Variants in RALYL observed in about 807,000 individuals in gnomAD.
RALYL encodes the protein RNA-binding Raly-like protein.
In RALYL, 29 loss-of-function variants were observed where a neutral mutation model predicts 35.1. The ratio of observed to expected loss-of-function variants is 0.83; its 90% CI spans 0.61 to 1.13. The LOEUF (loss-of-function observed/expected upper bound fraction) is 1.13, where lower values mean the gene tolerates loss of function less well. Among genes scored for constraint, RALYL ranks in the 50% most tolerant of loss-of-function variants. The pLI is 0.00. For missense variants in RALYL, 359 were observed against 360.4 expected (o/e 1.00, Z 0.03); for synonymous variants, 120 against 127.6 (o/e 0.94, Z 0.40).
intron 3 of RALYL, among the ~76,000 whole-genome samples, chr8:84,778,953 G>A (rs1216425475): frequency 6.6e-6 from 1 of 152,198 alleles, no homozygotes; most frequent in Non-Finnish European, 1.5e-5. Flanking sequence ...AATTATTTCA[G>A]TCTTGGACAT....
At chr8:84,369,122 T>A (rs970873548) in intron 1 of RALYL, among the ~76,000 whole-genome samples, 1 of 152,126 alleles carries the variant, frequency 6.6e-6, no homozygotes, top group African/African-American at 2.4e-5. Flanking sequence ...CTTGCTTCTG[T>A]TCTAGACATG....
chr8:84,638,793 A>G (rs1051532753), intron 2 of RALYL, among the ~76,000 whole-genome samples: 3 of 145,544 alleles, frequency 2.1e-5, no homozygotes, highest in Non-Finnish European at 4.6e-5. Context: ...TGTATTAAGA[A>G]GTTAACTAAA....
intron 4 of RALYL, among the ~76,000 whole-genome samples, chr8:84,840,618 G>A (rs148879954): frequency 0.02 from 3,026 of 152,146 alleles, 45 homozygotes; most frequent in Non-Finnish European, 0.028. Flanking sequence ...TACAGAGAAC[G>A]CCACAAAGAT....
chr8:84,648,786 T>C (rs1033540161), intron 2 of RALYL, among the ~76,000 whole-genome samples: 2 of 149,210 alleles, frequency 1.3e-5, no homozygotes, highest in African/African-American at 5.0e-5. Flanking sequence ...ATTATGAATA[T>C]GTATGTGTAT....
intron 2 of RALYL, among the ~76,000 whole-genome samples, chr8:84,701,089 A>C (rs973260499): frequency 1.3e-5 from 2 of 152,172 alleles, no homozygotes; most frequent in Non-Finnish European, 2.9e-5. Context: ...TCCCACCCAT[A>C]CATCAGGGGC....
chr8:84,692,704 A>G (rs1438528150), intron 2 of RALYL, among the ~76,000 whole-genome samples: 1 of 152,054 alleles, frequency 6.6e-6, no homozygotes, highest in African/African-American at 2.4e-5. Context: ...TTGCATGTGT[A>G]TGTTGTAACA....
intron 2 of RALYL, among the ~76,000 whole-genome samples, chr8:84,603,631 A>G (rs1165434604): frequency 6.6e-6 from 1 of 152,108 alleles, no homozygotes; most frequent in Non-Finnish European, 1.5e-5. Context: ...ACATTGGCAC[A>G]TGAGTAAGTG....
At chr8:84,667,254 G>A (rs1484325602) in intron 2 of RALYL, among the ~76,000 whole-genome samples, 4 of 151,690 alleles carry the variant, frequency 2.6e-5, no homozygotes, top group South Asian at 2.1e-4. Context: ...ATTCAGGTTC[G>A]AGTATGGGCT....
chr8:84,704,065 CTT>C (rs1840697524), intron 2 of RALYL, among the ~76,000 whole-genome samples: 1 of 152,118 alleles, frequency 6.6e-6, no homozygotes, highest in Non-Finnish European at 1.5e-5. Context: ...TGAATTGGCT[CTT>C]GTCTAAATTT....
intron 1 of RALYL, among the ~76,000 whole-genome samples, chr8:84,215,851 C>A (rs866754251): frequency 6.6e-6 from 1 of 152,096 alleles, no homozygotes; most frequent in East Asian, 1.9e-4. Flanking sequence ...ATAAGTAATG[C>A]GTACGCATGG....
intron 2 of RALYL, among the ~76,000 whole-genome samples, chr8:84,597,073 A>G (rs1356467046): frequency 6.6e-6 from 1 of 152,132 alleles, no homozygotes; most frequent in Non-Finnish European, 1.5e-5. Context: ...TTTTCTGAGG[A>G]AGGAAAATCT....
At chr8:84,857,911 C>CT (rs1376142599) in intron 5 of RALYL, among the ~76,000 whole-genome samples, 2 of 151,912 alleles carry the variant, frequency 1.3e-5, no homozygotes, top group East Asian at 1.9e-4. Flanking sequence ...ATAACAAGTT[C>CT]TTTTTTAAAA....
intron 2 of RALYL, among the ~76,000 whole-genome samples, chr8:84,568,140 C>T (rs1458466185): frequency 1.1e-4 from 16 of 150,132 alleles, no homozygotes; most frequent in Admixed American, 1.1e-3. Context: ...TGTTGGGGTG[C>T]TGCACCCATT....
At chr8:84,323,449 T>C (rs1845239014) in intron 1 of RALYL, among the ~76,000 whole-genome samples, 1 of 152,100 alleles carries the variant, frequency 6.6e-6, no homozygotes, top group African/African-American at 2.4e-5. Context: ...TAGGATGAAC[T>C]AAGTTTCTAT....
At chr8:84,191,826 C>T (rs1813961678) in intron 1 of RALYL, among the ~76,000 whole-genome samples, 2 of 152,040 alleles carry the variant, frequency 1.3e-5, no homozygotes, top group Non-Finnish European at 2.9e-5. Context: ...ATTAGCCTGC[C>T]TTTCTTAGTT....
intron 3 of RALYL, among the ~76,000 whole-genome samples, chr8:84,795,796 T>C (rs1014255524): frequency 1.3e-5 from 2 of 152,228 alleles, no homozygotes; most frequent in African/African-American, 4.8e-5. Flanking sequence ...GCAGCCACCA[T>C]CAGTCAGTTG....
At chr8:84,243,398 G>T (rs1217046827) in intron 1 of RALYL, among the ~76,000 whole-genome samples, 1 of 151,328 alleles carries the variant, frequency 6.6e-6, no homozygotes, top group East Asian at 2.0e-4. Flanking sequence ...GAATAACATT[G>T]AATCTATAAA....
intron 2 of RALYL, among the ~76,000 whole-genome samples, chr8:84,766,972 G>A (rs2467210): frequency 0.2 from 29,635 of 151,902 alleles, 3,212 homozygotes; most frequent in Non-Finnish European, 0.23. Flanking sequence ...AAAGTCAAAG[G>A]GCACCCATAC....
chr8:84,810,893 G>A (rs1825751595), intron 4 of RALYL, among the ~76,000 whole-genome samples: 1 of 152,034 alleles, frequency 6.6e-6, no homozygotes, highest in Admixed American at 6.6e-5. Context: ...TACGTATTAG[G>A]TGAGTCTCCT....
Sources: allele counts gnomAD v4.1 joint callset (sites outside exome capture counted in the v4.1 genomes callset), GRCh38; gene constraint gnomAD v4.1.1; transcripts MANE v1.5; gene names NCBI Gene and HGNC (gene_info 2026-07-23, HGNC 2026-07-21).